Variants in FCGR2B observed in about 807,000 individuals in gnomAD.
FCGR2B encodes the protein Fc gamma receptor IIb.
In FCGR2B, 18 loss-of-function variants were observed where a neutral mutation model predicts 24.8. That is an observed-to-expected ratio of 0.73 (90% CI 0.50 to 1.08). The LOEUF (loss-of-function observed/expected upper bound fraction) is 1.08. FCGR2B is among the 50% of genes least tolerant of loss of function. The pLI is 0.00. For synonymous variants in FCGR2B, 79 were observed against 109.8 expected, an observed-to-expected ratio of 0.72 and a Z score of 1.75; for missense variants, 215 against 297.6, an observed-to-expected ratio of 0.72 and a Z score of 2.04.
At chr1:161,652,301 C>A in the FCGR2B span, among the ~76,000 whole-genome samples, 17 of 132,548 alleles carry the variant, frequency 1.3e-4, 3 homozygotes, top group African/African-American at 4.4e-4. Context: ...TTTTTTTACT[C>A]CTTGAATTTA....
chr1:161,661,234 GAAA>G (rs1557895103), upstream of FCGR2B, among the ~76,000 whole-genome samples: 21 of 76,126 alleles, frequency 2.8e-4, 3 homozygotes, highest in African/African-American at 8.0e-4. Context: ...AAGAAAGAAA[GAAA>G]GAAAGAAAGA....
chr1:161,647,517 T>G, the FCGR2B span, among the ~76,000 whole-genome samples: 2 of 150,400 alleles, frequency 1.3e-5, no homozygotes, highest in South Asian at 4.3e-4. Context: ...GCCAGGCTGG[T>G]CTTGAACTCC....
At chr1:161,671,110 T>C (rs569673846) in intron 2 of FCGR2B, among the ~76,000 whole-genome samples, 1 of 152,270 alleles carries the variant, frequency 6.6e-6, no homozygotes, top group African/African-American at 2.4e-5. Flanking sequence ...GAGAAAGAAC[T>C]GGTGAGGATA....
In FCGR2B at chr1:161,678,135, G is replaced by C; in HGVS notation, c.*582G>C. 4.5e-6 allele frequency: 1 copy of C among 221,866 alleles called. No individual in the cohort carries two copies. Among genetic ancestry groups the C allele is most frequent in the South Asian group, 1.8e-4 (1 of 5,436 alleles). The allele number at this position is 221,866 out of a possible 1,614,324, so 13.7% of individuals were successfully genotyped here. A position where few individuals can be genotyped will look rare whatever the true frequency, so the allele number is the denominator to read the frequency against. On this transcript the variant is annotated 3_prime_UTR_variant, in exon 8 of 8. Coordinates refer to ENST00000358671, the MANE Select transcript of FCGR2B (RefSeq NM_001394477.1). The stretch of plus-strand genomic sequence containing the variant: ...GGGGTCTGTTTCTCTTCAGTGATGA[G>C]ACTCTTAGGAAGGCAGGAATGGATA...
the FCGR2B span, among the ~76,000 whole-genome samples, chr1:161,651,941 GAAATA>G: frequency 0.69 from 72,600 of 105,316 alleles, 26,928 homozygotes; most frequent in Admixed American, 0.74. Context: ...CTCAAAAACT[GAAATA>G]AAATAAAATA....
In FCGR2B at chr1:161,671,609, G is replaced by T. The variant is rs1277062101; in HGVS notation, c.351G>T (p.Gln117His). ...DSGEYTCQTG[Q>H]TSLSDPVHLT... Reference sequence around the variant, plus strand: ...GGGAGTACACGTGCCAGACTGGCCAGACCAGCCTCAGCGACCCTGTGCATC... The same window carrying T: ...GGGAGTACACGTGCCAGACTGGCCATACCAGCCTCAGCGACCCTGTGCATC... Residue 117 changes from glutamine (Q) to histidine (H), a missense_variant, in exon 3 of 8, where the codon CAG becomes CAT. This residue lies in a region of FCGR2B where 39 missense variants were observed against 73.3 expected (regional missense o/e 0.53). Transcript: ENST00000358671. The T allele has an allele frequency of 1.4e-5, 22 of 1,613,980 alleles. No homozygotes were observed. Among genetic ancestry groups the T allele is most frequent in the Non-Finnish European group, 1.9e-5 (22 of 1,179,888 alleles).
Position 161,677,542 on chromosome 1 carries a change from A to C in FCGR2B, c.922A>C (p.Asn308His). 1 of 1,611,668 alleles carries C rather than the reference A, an allele frequency of 6.2e-7. No individual in the cohort carries two copies. Among genetic ancestry groups the C allele is most frequent in the Non-Finnish European group, 8.5e-7 (1 of 1,178,050 alleles). ...PDALEEPDDQ[N>H]RI is the part of the protein sequence containing the mutation. ...TGCTCTGGAAGAGCCTGATGACCAGAACCGTATTTAGTCTCCATTGTCTTG... is the reference window on the plus strand; with the variant it reads ...TGCTCTGGAAGAGCCTGATGACCAGCACCGTATTTAGTCTCCATTGTCTTG... The change falls in exon 8 of 8, where the codon AAC becomes CAC. Residue 308 changes from asparagine to histidine, a missense_variant. Transcript: ENST00000358671.
chr1:161,653,993 T>C, the FCGR2B span, among the ~76,000 whole-genome samples: 2 of 132,242 alleles, frequency 1.5e-5, no homozygotes, highest in Non-Finnish European at 3.5e-5. Context: ...AGCCAATCGA[T>C]TGTTCCAGTT....
the FCGR2B span, among the ~76,000 whole-genome samples, chr1:161,652,706 T>C: frequency 6.7e-4 from 91 of 135,050 alleles, 1 homozygote; most frequent in African/African-American, 2.2e-3. Flanking sequence ...CTGGACATTA[T>C]ATGTAGGACA....
At chr1:161,648,431 G>A in the FCGR2B span, among the ~76,000 whole-genome samples, 3 of 148,284 alleles carry the variant, frequency 2.0e-5, 1 homozygote, top group East Asian at 5.9e-4. Flanking sequence ...TGGGTATACA[G>A]TGATATTGTG....
Position 161,678,279 on chromosome 1 carries a change from T to A in FCGR2B, c.*726T>A, listed in dbSNP as rs1203233637. ...GTTTAGTTCAACAACAGACTGCATA[T>A]ATGATGGTGATCCCATAAAATTATA... On this transcript the variant is annotated 3_prime_UTR_variant, in exon 8 of 8. Transcript: ENST00000358671. 1.8e-5 allele frequency: 4 copies of A among 218,854 alleles called. No homozygotes were observed. The highest frequency in any genetic ancestry group is 3.7e-5 in the Non-Finnish European group (4 of 109,118). The allele number at this position is 218,854 out of a possible 1,614,324, so 13.6% of individuals were successfully genotyped here.
At chr1:161,671,206 C>G (rs1681620874) in intron 2 of FCGR2B, among the ~76,000 whole-genome samples, 186 bp from the exon 3 acceptor site, 1 of 152,118 alleles carries the variant, frequency 6.6e-6, no homozygotes, top group Non-Finnish European at 1.5e-5. Context: ...GTCCTGGGCT[C>G]CCTGGGGCCG....
Position 161,671,435 on chromosome 1 carries a change from C to T in FCGR2B, c.177C>T (p.Ile59=). The T allele has an allele frequency of 6.2e-7, 1 of 1,614,222 alleles. No individual in the cohort carries two copies. Among genetic ancestry groups the T allele is most frequent in the Non-Finnish European group, 8.5e-7 (1 of 1,180,046 alleles). ...TGCTGAAACTCGAGCCCCAGTGGATCAACGTGCTCCAGGAGGACTCTGTGA... is the reference window on the plus strand; with the variant it reads ...TGCTGAAACTCGAGCCCCAGTGGATTAACGTGCTCCAGGAGGACTCTGTGA... The part of the protein sequence containing the change: ...KAVLKLEPQW[I]NVLQEDSVTL... The change falls in exon 3 of 8, where the codon ATC becomes ATT. Residue 59 remains isoleucine (I), a synonymous_variant. Coordinates refer to ENST00000358671, the MANE Select transcript of FCGR2B (RefSeq NM_001394477.1).
chr1:161,675,338 T>C lies in FCGR2B; in HGVS notation c.817+25T>C. The C allele has an allele frequency of 2.0e-6, 3 of 1,503,662 alleles. No individual in the cohort carries two copies. The East Asian group carries it at 7.4e-5, about 37-fold the overall frequency. 93.1% of individuals were successfully genotyped at this position (1,503,662 alleles called of 1,614,324 possible). On this transcript the variant is annotated intron_variant, in intron 6 of 7. Coordinates refer to ENST00000358671, the MANE Select transcript of FCGR2B (RefSeq NM_001394477.1). ...GGTGAGTACAGGTTGTCTCAGGGATTCAGTGATGGCTCACCAGGGCTGCCG... is the reference window on the plus strand; with the variant it reads ...GGTGAGTACAGGTTGTCTCAGGGATCCAGTGATGGCTCACCAGGGCTGCCG...
Position 161,677,602 on chromosome 1 carries a change from A to ATCTTCCCTC in FCGR2B, c.*52_*53insTCCCTCTCT. 7.0e-7 allele frequency: 1 copy of ATCTTCCCTC among 1,432,568 alleles called. No individual in the cohort carries two copies. Among genetic ancestry groups the ATCTTCCCTC allele is most frequent in the Non-Finnish European group, 9.8e-7 (1 of 1,020,682 alleles). The allele number at this position is 1,432,568 out of a possible 1,614,324, so 88.7% of individuals were successfully genotyped here. ...TTGAGAAGAAAATCAGAGAGGGAAG[A>ATCTTCCCTC]TCTGGTATTTCCTGGCCTAAATTCC... On this transcript the variant is annotated 3_prime_UTR_variant, in exon 8 of 8. Transcript: ENST00000358671.
intron 3 of FCGR2B, 148 bp from the exon 4 acceptor site, chr1:161,672,827 T>A (rs892231722): frequency 7.8e-7 from 1 of 1,274,164 alleles, no homozygotes; most frequent in African/African-American, 1.5e-5. Flanking sequence ...AGTTCATAAA[T>A]GACAGAGCCA....
intron 6 of FCGR2B, chr1:161,675,907 T>G: frequency 4.3e-6 from 1 of 233,046 alleles, no homozygotes; most frequent in East Asian, 6.0e-5. Context: ...GCACTCAAGG[T>G]TGACTGAATT....
At chr1:161,674,343 A>G (rs1004057598) in intron 5 of FCGR2B, 1 of 331,516 alleles carries the variant, frequency 3.0e-6, no homozygotes, top group Non-Finnish European at 6.0e-6. Flanking sequence ...ATTGTGAGGA[A>G]GACAGGGTCA....
the FCGR2B span, among the ~76,000 whole-genome samples, chr1:161,648,456 T>C: frequency 6.7e-6 from 1 of 149,070 alleles, no homozygotes; most frequent in South Asian, 2.2e-4. Context: ...TAATGTGCGT[T>C]TCCCTGATAA....
Sources: gnomAD v4.1 joint callset for allele counts (sites outside exome capture counted in the v4.1 genomes callset) on GRCh38, gnomAD v4.1.1 for gene constraint, gnomAD v4.1.1 regional missense constraint, MANE v1.5 for transcripts, NCBI Gene and HGNC (gene_info 2026-07-23, HGNC 2026-07-21) for gene names.